Variants in GNAS-AS1 observed in about 807,000 individuals in gnomAD.
GNAS-AS1 encodes GNAS antisense RNA 1.
Position 58,840,187 on chromosome 20 carries a change from G to GGCAGCCACCGC in GNAS-AS1, n.819+1739_819+1749dup. 7 of 1,611,352 alleles carry GGCAGCCACCGC rather than the reference G, an allele frequency of 4.3e-6. No individual in the cohort carries two copies. The highest frequency in any genetic ancestry group is 5.9e-6 in the Non-Finnish European group (7 of 1,179,940). ...ACCTGTGCCCGCCCATAGGCCGCCG[G>GGCAGCCACCGC]GCAGCCACCGCGCTCCTCTGGCTCT... On this transcript the variant is annotated intron_variant and non_coding_transcript_variant, in intron 4 of 4. Coordinates refer to ENST00000424094, the Ensembl canonical transcript of GNAS-AS1. This position sits in a 1 kb window ranked among gnomAD's most constrained non-coding sequence, Gnocchi z 6.0.
At chr20:58,844,797 C>CA (rs148823649) in intron 2 of GNAS-AS1, among the ~76,000 whole-genome samples, 236 of 139,214 alleles carry the variant, frequency 1.7e-3, no homozygotes, top group South Asian at 0.014. Context: ...GACTCCATCT[C>CA]AAAAAAAAAA....
chr20:58,834,783 T>A (rs1449491473), intron 4 of GNAS-AS1: 1 of 152,196 alleles, frequency 6.6e-6, no homozygotes, highest in Non-Finnish European at 1.5e-5. Flanking sequence ...GAGCAATCTC[T>A]ACGCACAGAA....
chr20:58,828,340 C>T (rs1399242770), intron 4 of GNAS-AS1, among the ~76,000 whole-genome samples: 2 of 152,238 alleles, frequency 1.3e-5, no homozygotes, highest in East Asian at 1.9e-4. Context: ...TGTGAACTGT[C>T]CATTTGGTTG....
chr20:58,833,688 C>G (rs2085582612), intron 4 of GNAS-AS1: 1 of 152,208 alleles, frequency 6.6e-6, no homozygotes, highest in Non-Finnish European at 1.5e-5. Context: ...CCAGATCAAC[C>G]CCACACACAC....
chr20:58,839,508 C>A (rs1431839616), intron 4 of GNAS-AS1: 1 of 403,798 alleles, frequency 2.5e-6, no homozygotes, highest in Non-Finnish European at 4.4e-6. Context: ...AGTACTGGAC[C>A]TGGGGCTAGC....
exon 5 of GNAS-AS1, chr20:58,819,088 C>G (rs1568895642): frequency 5.0e-6 from 2 of 398,686 alleles, no homozygotes; most frequent in Non-Finnish European, 8.8e-6. Context: ...GCTCACCAAA[C>G]TCTCTTTGCT....
At chr20:58,830,573 A>AT (rs1404827826) in intron 4 of GNAS-AS1, among the ~76,000 whole-genome samples, 2 of 41,272 alleles carry the variant, frequency 4.8e-5, no homozygotes, top group Admixed American at 2.5e-4. Flanking sequence ...CACCACCACC[A>AT]CACCACCACC....
In GNAS-AS1 at chr20:58,841,338, T is replaced by C. The variant is rs2085716340; in HGVS notation, n.819+599A>G. 3.8e-6 allele frequency: 4 copies of C among 1,058,018 alleles called. No individual in the cohort carries two copies. The highest frequency in any genetic ancestry group is 9.1e-4 in the Middle Eastern group (2 of 2,200). The allele number at this position is 1,058,018 out of a possible 1,614,324, so 65.5% of individuals were successfully genotyped here. On this transcript the variant is annotated intron_variant and non_coding_transcript_variant, in intron 4 of 4. Coordinates refer to ENST00000424094, the Ensembl canonical transcript of GNAS-AS1. The surrounding 1 kb of genome is among the most constrained non-coding windows in gnomAD (Gnocchi z 5.0). The stretch of plus-strand genomic sequence containing the variant: ...GGTGCGCGCGCCAACTTTCACGATG[T>C]GAGAGCAGCCGCGCTGTAGAGACAC...
At position 58,840,298 on chromosome 20, in the gene GNAS-AS1, C is replaced by T; in HGVS notation, n.819+1639G>A. The stretch of plus-strand genomic sequence containing the variant: ...CGGCTGCCCAACAGCGCCGGAGCTT[C>T]CTTAACGCCCACCACCGCTCCGGCG... On this transcript the variant is annotated intron_variant and non_coding_transcript_variant, in intron 4 of 4. Transcript: ENST00000424094. The surrounding 1 kb of genome is among the most constrained non-coding windows in gnomAD (Gnocchi z 6.0). 6.2e-7 allele frequency: 1 copy of T among 1,612,704 alleles called. No homozygotes were observed. The highest frequency in any genetic ancestry group is 8.5e-7 in the Non-Finnish European group (1 of 1,179,946).
intron 4 of GNAS-AS1, among the ~76,000 whole-genome samples, chr20:58,819,921 T>G (rs1222363631): frequency 1.3e-5 from 2 of 152,080 alleles, no homozygotes; most frequent in Non-Finnish European, 2.9e-5. Flanking sequence ...GTCCAACAGG[T>G]GCCCAGGGCA....
chr20:58,840,729 AG>A lies in GNAS-AS1; in HGVS notation n.819+1207del. 6.2e-7 allele frequency: 1 copy of A among 1,604,520 alleles called. No individual in the cohort carries two copies. Among genetic ancestry groups the A allele is most frequent in the Non-Finnish European group, 8.5e-7 (1 of 1,179,504 alleles). ...GATCCAAGGGACCCCGAAGAGTCGA[AG>A]GAGCCCAAGGAGGAGAAGCAGCGGC... On this transcript the variant is annotated intron_variant and non_coding_transcript_variant, in intron 4 of 4. Coordinates refer to ENST00000424094, the Ensembl canonical transcript of GNAS-AS1. This position sits in a 1 kb window ranked among gnomAD's most constrained non-coding sequence, Gnocchi z 6.0.
exon 1 of GNAS-AS1, chr20:58,850,828 G>A (rs1254989431): frequency 7.5e-6 from 3 of 398,650 alleles, no homozygotes; most frequent in Non-Finnish European, 1.3e-5. Flanking sequence ...AGGCCTAGCC[G>A]CCATACACCC....
intron 1 of GNAS-AS1, among the ~76,000 whole-genome samples, chr20:58,849,082 C>G (rs2086050627): frequency 6.6e-6 from 1 of 152,032 alleles, no homozygotes. Context: ...GGAGATTTTG[C>G]CCCCCAGAGG....
In GNAS-AS1 at chr20:58,827,549, A is replaced by T. The variant is rs768171870; in HGVS notation, n.820-8294T>A. Among the ~76,000 whole-genome samples, 3 of 152,362 alleles carry T rather than the reference A, an allele frequency of 2.0e-5. No homozygotes were observed. The East Asian group carries it at 5.8e-4, about 29-fold the overall frequency. On this transcript the variant is annotated intron_variant and non_coding_transcript_variant, in intron 4 of 4. Transcript: ENST00000424094. Reference sequence around the variant, plus strand: ...CGACATGGTCAGCAGTGCAGTTTCTAACAGGGACAAAGTGGCAAGAGCTGA... The same window carrying T: ...CGACATGGTCAGCAGTGCAGTTTCTTACAGGGACAAAGTGGCAAGAGCTGA...
At chr20:58,830,537 AT>A (rs2085558738) in intron 4 of GNAS-AS1, among the ~76,000 whole-genome samples, 1 of 332 alleles carries the variant, frequency 3.0e-3, no homozygotes, top group African/African-American at 0.01. Flanking sequence ...CCATCATACC[AT>A]CAGCACCACC....
At chr20:58,839,892 G>A in intron 4 of GNAS-AS1, 1 of 601,080 alleles carries the variant, frequency 1.7e-6, no homozygotes. Context: ...CTTGCTCAGA[G>A]AGGCAAGCAA....
chr20:58,830,289 T>TCAC (rs1450690079), intron 4 of GNAS-AS1, among the ~76,000 whole-genome samples: 1 of 85,506 alleles, frequency 1.2e-5, no homozygotes, highest in African/African-American at 4.8e-5. Flanking sequence ...CACACCACCA[T>TCAC]CACCACCACC....
chr20:58,839,732 C>G (rs1350812589), intron 4 of GNAS-AS1: 4 of 499,310 alleles, frequency 8.0e-6, no homozygotes, highest in Non-Finnish European at 1.4e-5. Flanking sequence ...CCTCACTGCC[C>G]GTCCCTCCTC....
Position 58,831,247 on chromosome 20 carries a change from G to GC in GNAS-AS1, n.819+10689dup, listed in dbSNP as rs1206520980. Among the ~76,000 whole-genome samples, 3 of 152,148 alleles carry GC rather than the reference G, an allele frequency of 2.0e-5. No homozygotes were observed. The East Asian group carries it at 5.8e-4, about 29-fold the overall frequency. On this transcript the variant is annotated intron_variant and non_coding_transcript_variant, in intron 4 of 4. Coordinates refer to ENST00000424094, the Ensembl canonical transcript of GNAS-AS1. ...CCAAAATCTACGAACAGTGGCATAA[G>GC]CCACTGTGCCCGGCCAGACCACGCT... is the stretch of plus-strand genomic sequence containing the variant.
Sources: allele counts gnomAD v4.1 joint callset (sites outside exome capture counted in the v4.1 genomes callset), GRCh38; gene constraint gnomAD v4.1.1; non-coding constraint Gnocchi (gnomAD v3.1); transcripts MANE v1.5; gene names NCBI Gene and HGNC (gene_info 2026-07-23, HGNC 2026-07-21).